Variants in PLAA observed in about 807,000 individuals in gnomAD.
The protein encoded by PLAA is phospholipase A-2-activating protein.
Under a neutral mutation model 84.1 loss-of-function variants are expected in PLAA, and 48 were observed. The ratio of observed to expected loss-of-function variants is 0.57; its 90% CI spans 0.45 to 0.73. The LOEUF (loss-of-function observed/expected upper bound fraction) is 0.73, where lower values mean the gene tolerates loss of function less well. Among genes scored for constraint, PLAA ranks in the 30% least tolerant of loss-of-function variants. The probability of loss-of-function intolerance (pLI) is 0.00; values close to 1 mark genes in which losing one functional copy is unlikely to be tolerated. For missense variants in PLAA, 903 were observed against 954.7 expected (o/e 0.95, Z 0.71); for synonymous variants, 392 against 336.6 (o/e 1.16, Z -1.80).
At chr9:26,919,087 T>C in intron 9 of PLAA, 1 of 396,626 alleles carries the variant, frequency 2.5e-6, no homozygotes. Flanking sequence ...TGAAATTCCA[T>C]TATAGTATGA....
At chr9:26,927,551 T>A (rs1228379966) in intron 4 of PLAA, among the ~76,000 whole-genome samples, 2 of 152,164 alleles carry the variant, frequency 1.3e-5, no homozygotes, top group African/African-American at 2.4e-5. Flanking sequence ...TTAAGTACCC[T>A]ACAAATAAAT....
rs1367866308 is a variant in PLAA, at chr9:26,928,393, G to C, written c.359C>G (p.Ser120Cys). Residue 120 changes from serine to cysteine, a missense_variant, in exon 3 of 14, where the codon TCT becomes TGT. Transcript: ENST00000397292. ...ACTAAGTAATGTCCCAAATTTTCCA[G>C]ATGATAGACTACAAACTAAGGAAAA... Reference protein sequence around the residue: ...GHKNTVCSLSSGKFGTLLSGS... With the variant: ...GHKNTVCSLSCGKFGTLLSGS... 3 of 1,608,698 alleles carry C rather than the reference G, an allele frequency of 1.9e-6. No homozygotes were observed. The East Asian group carries it at 6.7e-5, about 36-fold the overall frequency.
chr9:26,935,241 G>A lies in PLAA; in HGVS notation c.150-35C>T, dbSNP rs528424767. The A allele has an allele frequency of 1.4e-5, 19 of 1,383,586 alleles. No individual in the cohort carries two copies. In the African/African-American group the frequency reaches 1.6e-4, roughly 12 times the overall value. 85.7% of individuals were successfully genotyped at this position (1,383,586 alleles called of 1,614,324 possible). On this transcript the variant is annotated intron_variant, in intron 1 of 13. Transcript: ENST00000397292. ...CAAGATAATTAATAGATACATATTCGTACCCTGACTTAGCCTAGGACATAA... is the reference window on the plus strand; with the variant it reads ...CAAGATAATTAATAGATACATATTCATACCCTGACTTAGCCTAGGACATAA...
chr9:26,934,990 C>T, intron 2 of PLAA, 23 bp downstream of exon 2: 1 of 1,479,378 alleles, frequency 6.8e-7, no homozygotes, highest in Non-Finnish European at 9.1e-7. Context: ...AATAGAAAAA[C>T]ACCAAAGCAT....
At chr9:26,915,834 G>A (rs750684428) in intron 10 of PLAA, 4 of 985,266 alleles carry the variant, frequency 4.1e-6, no homozygotes, top group Non-Finnish European at 4.8e-6. Context: ...AGCTTGATAT[G>A]TTCTTTCTGT....
Position 26,934,958 on chromosome 9 carries a change from C to A in PLAA, c.343+55G>T, listed in dbSNP as rs1266440837. The A allele has an allele frequency of 3.9e-6, 5 of 1,286,406 alleles. No individual in the cohort carries two copies. In the South Asian group the frequency reaches 5.8e-5, roughly 15 times the overall value. 79.7% of individuals were successfully genotyped at this position (1,286,406 alleles called of 1,614,324 possible). A position where few individuals can be genotyped will look rare whatever the true frequency, so the allele number is the denominator to read the frequency against. ...TGAGAAAATGGATATGTAAATTTTA[C>A]TTTCAAAGGGATAAAACTTCAAATA... On this transcript the variant is annotated intron_variant, in intron 2 of 13. Coordinates refer to ENST00000397292, the MANE Select transcript of PLAA (RefSeq NM_001031689.3).
rs182094719 is a variant in PLAA, at chr9:26,947,209, G to A, written c.-164C>T. On this transcript the variant is annotated 5_prime_UTR_variant, in exon 1 of 14. Coordinates refer to ENST00000397292, the MANE Select transcript of PLAA (RefSeq NM_001031689.3). ...GGTACGGAAGGGCGGCTGGGAAGGG[G>A]CGCGCCGAGCGGGCCGAGTGACACA... 29 of 771,232 alleles carry A rather than the reference G, an allele frequency of 3.8e-5. No individual in the cohort carries two copies. In the Admixed American group the frequency reaches 7.9e-4, roughly 21 times the overall value. 47.8% of individuals were successfully genotyped at this position (771,232 alleles called of 1,614,324 possible).
At chr9:26,939,484 C>CAAAAAAA in intron 1 of PLAA, among the ~76,000 whole-genome samples, 1 of 76,922 alleles carries the variant, frequency 1.3e-5, no homozygotes, top group Non-Finnish European at 2.8e-5. Flanking sequence ...GATGAGAGAC[C>CAAAAAAA]AAAAAAAAAA....
At chr9:26,940,107 A>T (rs1383313096) in intron 1 of PLAA, among the ~76,000 whole-genome samples, 2 of 152,244 alleles carry the variant, frequency 1.3e-5, no homozygotes, top group African/African-American at 4.8e-5. Context: ...AAATTCCTAG[A>T]AAAATTAAAA....
At chr9:26,920,035 T>A (rs1260857578) in intron 8 of PLAA, among the ~76,000 whole-genome samples, 192 bp downstream of exon 8, 2 of 152,194 alleles carry the variant, frequency 1.3e-5, no homozygotes, top group African/African-American at 4.8e-5. Context: ...GTCTCTCAAA[T>A]GCAGCTCTCA....
Position 26,947,115 on chromosome 9 carries a change from G to T in PLAA, c.-70C>A. The T allele has an allele frequency of 5.0e-6, 7 of 1,398,804 alleles. No individual in the cohort carries two copies. Among genetic ancestry groups the T allele is most frequent in the Non-Finnish European group, 6.5e-6 (7 of 1,073,716 alleles). 86.6% of individuals were successfully genotyped at this position (1,398,804 alleles called of 1,614,324 possible). On this transcript the variant is annotated 5_prime_UTR_variant, in exon 1 of 14. Transcript: ENST00000397292. ...CCAGTCCGCAGGGGCGACTCGGAGA[G>T]CGCCGGGCCGCGGCGGGAGAAGAGC...
chr9:26,916,079 C>T lies in PLAA; in HGVS notation c.1486+1018G>A, dbSNP rs946287571. 3 of 985,290 alleles carry T rather than the reference C, an allele frequency of 3.0e-6. No homozygotes were observed. In the African/African-American group the frequency reaches 5.2e-5, roughly 17 times the overall value. 61.0% of individuals were successfully genotyped at this position (985,290 alleles called of 1,614,324 possible). A position where few individuals can be genotyped will look rare whatever the true frequency, so the allele number is the denominator to read the frequency against. On this transcript the variant is annotated intron_variant, in intron 10 of 13. Transcript: ENST00000397292. ...TTACTTGTTATCAATGCACATGGTA[C>T]AACCATTTCCATCTGGGCCATCAAT...
intron 4 of PLAA, among the ~76,000 whole-genome samples, chr9:26,927,246 G>A (rs769842518): frequency 6.7e-6 from 1 of 150,318 alleles, no homozygotes; most frequent in Non-Finnish European, 1.5e-5. Flanking sequence ...TCAGCCTCCC[G>A]AATAGCTGGG....
At chr9:26,946,752 T>C (rs921783428) in intron 1 of PLAA, 145 bp downstream of exon 1, 15 of 970,108 alleles carry the variant, frequency 1.5e-5, no homozygotes, top group South Asian at 7.0e-5. Context: ...AGAGTTCTAA[T>C]AGTCTGAGAA....
At chr9:26,912,305 C>T (rs1186549886) in intron 11 of PLAA, among the ~76,000 whole-genome samples, 4 of 152,192 alleles carry the variant, frequency 2.6e-5, no homozygotes, top group African/African-American at 9.7e-5. Flanking sequence ...GTAGAAAATA[C>T]TATTACATGC....
chr9:26,907,306 G>C (rs1167059283), intron 13 of PLAA, among the ~76,000 whole-genome samples: 1 of 152,080 alleles, frequency 6.6e-6, no homozygotes, highest in East Asian at 1.9e-4. Flanking sequence ...GAGGCGGGAG[G>C]ATCACGAGGT....
Position 26,935,119 on chromosome 9 carries a change from G to A in PLAA, c.237C>T (p.Ile79=). The change falls in exon 2 of 14, where the codon ATC becomes ATT. Residue 79 remains isoleucine (I), a synonymous_variant. Transcript: ENST00000397292. ...CGGTGGCAATTAGGCCATGAGGGTA[G>A]ATGTCACTTGAGGGTATGATGCATA... is the stretch of plus-strand genomic sequence containing the variant. ...SCVCIIPSSD[I]YPHGLIATGG... is the part of the protein sequence containing the mutation. 1.2e-6 allele frequency: 2 copies of A among 1,610,896 alleles called. No homozygotes were observed. The highest frequency in any genetic ancestry group is 1.7e-6 in the Non-Finnish European group (2 of 1,178,672).
At chr9:26,910,067 G>C (rs1824354181) in intron 12 of PLAA, among the ~76,000 whole-genome samples, 1 of 152,036 alleles carries the variant, frequency 6.6e-6, no homozygotes, top group South Asian at 2.1e-4. Context: ...TAAGAGCCTG[G>C]GTGGGTAGAA....
intron 2 of PLAA, among the ~76,000 whole-genome samples, chr9:26,930,493 T>A (rs1022063901): frequency 6.6e-6 from 1 of 152,088 alleles, no homozygotes; most frequent in African/African-American, 2.4e-5. Flanking sequence ...CCTGGGTCCC[T>A]GAGAAAATCT....
Sources: allele counts gnomAD v4.1 joint callset (sites outside exome capture counted in the v4.1 genomes callset), GRCh38; gene constraint gnomAD v4.1.1; transcripts MANE v1.5; gene names NCBI Gene and HGNC (gene_info 2026-07-23, HGNC 2026-07-21).